The following ABI3BP variants were observed in gnomAD, a reference collection of about 807,000 sequenced individuals.
The protein encoded by ABI3BP is target of Nesh-SH3.
A neutral mutation model predicts 268.6 loss-of-function variants in ABI3BP; 216 were observed. The ratio of observed to expected loss-of-function variants is 0.80; its 90% CI spans 0.72 to 0.90. ABI3BP has a LOEUF of 0.90. ABI3BP is among the 40% of genes least tolerant of loss of function. ABI3BP has a pLI of 0.00. For missense variants in ABI3BP, 2,090 were observed against 2,182.4 expected (o/e 0.96, Z 0.84); for synonymous variants, 730 against 730.0 (o/e 1.00, Z 0.00).
intron 59 of ABI3BP, among the ~76,000 whole-genome samples, chr3:100,776,298 C>T (rs1272996085): frequency 6.6e-6 from 1 of 152,198 alleles, no homozygotes; most frequent in African/African-American, 2.4e-5. Flanking sequence ...GGCCTCTGAC[C>T]TGGCCTCCAG....
chr3:100,841,645 T>C (rs2098704204), intron 21 of ABI3BP, among the ~76,000 whole-genome samples: 1 of 152,004 alleles, frequency 6.6e-6, no homozygotes, highest in African/African-American at 2.4e-5. Context: ...TCCCAGCACT[T>C]TGAGAGGCCG....
chr3:100,814,881 T>C (rs974769054), intron 44 of ABI3BP, among the ~76,000 whole-genome samples: 2 of 152,144 alleles, frequency 1.3e-5, no homozygotes, highest in African/African-American at 4.8e-5. Context: ...ACTGGATAGA[T>C]CTCCCTCAGC....
chr3:100,964,147 A>G (rs554838037), intron 1 of ABI3BP, among the ~76,000 whole-genome samples: 57 of 152,298 alleles, frequency 3.7e-4, no homozygotes, highest in Admixed American at 1.2e-3. Context: ...GGGATCTTGC[A>G]AGGGTGAATG....
chr3:100,776,191 G>C (rs1437058478), intron 59 of ABI3BP, among the ~76,000 whole-genome samples: 2 of 152,152 alleles, frequency 1.3e-5, no homozygotes, highest in African/African-American at 4.8e-5. Flanking sequence ...GTTCCACCGG[G>C]GAGAAGGAGT....
intron 1 of ABI3BP, among the ~76,000 whole-genome samples, chr3:100,941,798 C>T (rs1018840211): frequency 2.0e-5 from 3 of 152,126 alleles, no homozygotes; most frequent in East Asian, 1.9e-4. Context: ...TCAAAGACTA[C>T]TTTCTAAATC....
Position 100,848,792 on chromosome 3 carries a change from G to A in ABI3BP, c.1576+9C>T, listed in dbSNP as rs1298399674. The A allele has an allele frequency of 1.2e-6, 2 of 1,605,870 alleles. No individual in the cohort carries two copies. The highest frequency in any genetic ancestry group is 8.5e-7 in the Non-Finnish European group (1 of 1,172,712). On this transcript the variant is annotated intron_variant, in intron 18 of 67. Coordinates refer to ENST00000471714, the MANE Select transcript of ABI3BP (RefSeq NM_001375547.2). ...ATTACATATCATGTAAATATAAAGAGACATTTACCAGGTTTGGTTCTTGGC... is the reference window on the plus strand; with the variant it reads ...ATTACATATCATGTAAATATAAAGAAACATTTACCAGGTTTGGTTCTTGGC...
intron 26 of ABI3BP, 95 bp downstream of exon 26, chr3:100,838,115 T>G: frequency 7.5e-7 from 1 of 1,337,282 alleles, no homozygotes; most frequent in Non-Finnish European, 1.0e-6. Context: ...GTATTTGGAT[T>G]TCTATGATTT....
intron 1 of ABI3BP, among the ~76,000 whole-genome samples, chr3:100,955,381 C>T (rs539753613): frequency 6.6e-6 from 1 of 152,280 alleles, no homozygotes; most frequent in African/African-American, 2.4e-5. Context: ...TTCAGTTTCC[C>T]TTTACAACAT....
chr3:100,829,764 C>T, intron 32 of ABI3BP, 100 bp from the exon 33 acceptor site: 1 of 958,522 alleles, frequency 1.0e-6, no homozygotes, highest in African/African-American at 1.6e-5. Context: ...AGAAATGTTT[C>T]TTTTGGGTTT....
At chr3:100,885,160 A>G (rs1321989450) in intron 6 of ABI3BP, among the ~76,000 whole-genome samples, 1 of 152,136 alleles carries the variant, frequency 6.6e-6, no homozygotes, top group African/African-American at 2.4e-5. Flanking sequence ...GTAGGGTATG[A>G]TAGAAAATAG....
At chr3:100,959,698 C>T (rs1021514831) in intron 1 of ABI3BP, among the ~76,000 whole-genome samples, 15 of 151,904 alleles carry the variant, frequency 9.9e-5, no homozygotes, top group African/African-American at 3.6e-4. Context: ...ATAGAACAGA[C>T]ATTAAAAAAA....
intron 1 of ABI3BP, among the ~76,000 whole-genome samples, chr3:100,960,691 T>A (rs925809216): frequency 2.0e-5 from 3 of 152,104 alleles, no homozygotes; most frequent in African/African-American, 7.2e-5. Context: ...ATTCAACCCA[T>A]AAGTGCGGAC....
intron 63 of ABI3BP, among the ~76,000 whole-genome samples, chr3:100,760,617 A>G (rs72930638): frequency 0.018 from 2,692 of 152,250 alleles, 74 homozygotes; most frequent in African/African-American, 0.061. Flanking sequence ...TCACAGAATT[A>G]TATCATTTTA....
chr3:100,906,005 A>G (rs1389596709), intron 2 of ABI3BP, among the ~76,000 whole-genome samples: 1 of 152,168 alleles, frequency 6.6e-6, no homozygotes, highest in African/African-American at 2.4e-5. Flanking sequence ...TTATGTAACT[A>G]TCTTAATCAA....
chr3:100,788,072 T>C (rs2097102574), intron 56 of ABI3BP, among the ~76,000 whole-genome samples: 4 of 152,138 alleles, frequency 2.6e-5, no homozygotes, highest in African/African-American at 9.7e-5. Flanking sequence ...TAATCCGAAG[T>C]GGGAAAGATC....
intron 59 of ABI3BP, 107 bp downstream of exon 59, chr3:100,778,177 G>A (rs1304673084): frequency 9.2e-7 from 1 of 1,084,428 alleles, no homozygotes; most frequent in African/African-American, 1.6e-5. Flanking sequence ...ACACAAACGT[G>A]TCACACACAT....
chr3:100,829,868 G>A (rs2098454391), intron 32 of ABI3BP, among the ~76,000 whole-genome samples: 1 of 151,506 alleles, frequency 6.6e-6, no homozygotes, highest in Non-Finnish European at 1.5e-5. Context: ...GTTTATTGAT[G>A]ATATTTCAAG....
chr3:100,829,059 A>G (rs2098438300), intron 33 of ABI3BP, among the ~76,000 whole-genome samples: 1 of 151,702 alleles, frequency 6.6e-6, no homozygotes, highest in African/African-American at 2.4e-5. Flanking sequence ...GTTTCCATAC[A>G]TTCCCTGCCT....
Position 100,911,741 on chromosome 3 carries a change from T to A in ABI3BP, c.260-9055A>T, listed in dbSNP as rs563936275. 37 of 898,310 alleles carry A rather than the reference T, an allele frequency of 4.1e-5. 2 individuals carry two copies. The Admixed American group carries it at 5.1e-4, about 12-fold the overall frequency. The allele number at this position is 898,310 out of a possible 1,614,324, so 55.6% of individuals were successfully genotyped here. A position where few individuals can be genotyped will look rare whatever the true frequency, so the allele number is the denominator to read the frequency against. ...GTCCTCTTTGAGGTTTCAAGGCATG[T>A]TTCAGTCGATGAGTAGCGTAGCTTT... On this transcript the variant is annotated intron_variant, in intron 2 of 67. Transcript: ENST00000471714.
Sources: gnomAD v4.1 joint callset for allele counts (sites outside exome capture counted in the v4.1 genomes callset) on GRCh38, gnomAD v4.1.1 for gene constraint, MANE v1.5 for transcripts, NCBI Gene and HGNC (gene_info 2026-07-23, HGNC 2026-07-21) for gene names.